The following FGD1 variants were observed in gnomAD, a reference collection of about 807,000 sequenced individuals.
FGD1 encodes the protein FYVE, RhoGEF and PH domain containing 1, also known as FYVE, RhoGEF and PH domain-containing protein 1.
Under a neutral mutation model 65.0 loss-of-function variants are expected in FGD1, and 12 were observed. The ratio of observed to expected loss-of-function variants is 0.18; its 90% CI spans 0.12 to 0.30. The LOEUF (loss-of-function observed/expected upper bound fraction) is 0.30, where lower values mean the gene tolerates loss of function less well. Ranked by LOEUF, FGD1 falls within the 10% of genes least tolerant of loss-of-function variation. The pLI, the probability that FGD1 is intolerant of heterozygous loss-of-function variation, is 1.00. For synonymous variants in FGD1, 333 were observed against 343.9 expected (o/e 0.97, Z 0.35); for missense variants, 542 against 837.6 (o/e 0.65, Z 4.36).
intron 1 of FGD1, among the ~76,000 whole-genome samples, chrX:54,475,060 T>C (rs1922987867): frequency 8.9e-6 from 1 of 112,157 alleles, no homozygotes; most frequent in Non-Finnish European, 1.9e-5. Context: ...CCACTTTCCA[T>C]GGCCCTGCCC....
chrX:54,455,932 A>T (rs747435164), intron 10 of FGD1, 148 bp from the exon 11 acceptor site: 1 of 547,962 alleles, frequency 1.8e-6, no homozygotes, highest in Non-Finnish European at 3.0e-6. Flanking sequence ...ACAAGGAAAG[A>T]GCCTAGGCAT....
chrX:54,481,779 T>C (rs56148853), intron 1 of FGD1, among the ~76,000 whole-genome samples: 14,040 of 107,175 alleles, frequency 0.13, 1,470 homozygotes, highest in African/African-American at 0.34. Context: ...GGCAAAAGTG[T>C]GGATATTGGG....
chrX:54,452,997 A>C (rs890549739), intron 12 of FGD1, among the ~76,000 whole-genome samples: 6 of 111,233 alleles, frequency 5.4e-5, no homozygotes, highest in African/African-American at 2.0e-4. Flanking sequence ...ATTTGCATTA[A>C]ATTTCTTTTT....
intron 1 of FGD1, among the ~76,000 whole-genome samples, chrX:54,481,075 T>C (rs943009628): frequency 8.9e-6 from 1 of 111,763 alleles, no homozygotes; most frequent in Non-Finnish European, 1.9e-5. Flanking sequence ...TAGATGATCC[T>C]GAAGGCTCAT....
chrX:54,473,280 A>G (rs1039654416), intron 1 of FGD1, among the ~76,000 whole-genome samples: 1 of 112,187 alleles, frequency 8.9e-6, no homozygotes, highest in East Asian at 2.8e-4. Flanking sequence ...AAAGATATAC[A>G]TTGTCATTTA....
At chrX:54,488,967 AC>A (rs1179183943) in intron 1 of FGD1, among the ~76,000 whole-genome samples, 1 of 112,262 alleles carries the variant, frequency 8.9e-6, no homozygotes, top group Non-Finnish European at 1.9e-5. Flanking sequence ...CCTAGGAAAT[AC>A]CATTTTGGAC....
At chrX:54,451,066 C>A (rs1016701865) in intron 12 of FGD1, among the ~76,000 whole-genome samples, 3 of 104,215 alleles carry the variant, frequency 2.9e-5, no homozygotes, top group Non-Finnish European at 5.7e-5. Flanking sequence ...AAAAAAAATT[C>A]TCTGTTGCTG....
chrX:54,450,779 T>G (rs1212955336), intron 12 of FGD1, among the ~76,000 whole-genome samples: 1 of 111,427 alleles, frequency 9.0e-6, no homozygotes, highest in Non-Finnish European at 1.9e-5. Context: ...CGGGTGTGGG[T>G]GGCTCACACC....
chrX:54,489,186 A>G (rs1488339738), intron 1 of FGD1, among the ~76,000 whole-genome samples: 1 of 112,704 alleles, frequency 8.9e-6, no homozygotes, highest in Non-Finnish European at 1.9e-5. Context: ...AAGGAACTTA[A>G]ATCAACAAGC....
intron 1 of FGD1, among the ~76,000 whole-genome samples, chrX:54,471,810 T>A (rs1311824683): frequency 1.8e-5 from 2 of 112,156 alleles, no homozygotes; most frequent in Non-Finnish European, 3.8e-5. Context: ...AGTTTATACA[T>A]GCGTTTGCAG....
intron 1 of FGD1, among the ~76,000 whole-genome samples, chrX:54,491,026 C>G (rs1386450658): frequency 9.0e-6 from 1 of 111,147 alleles, no homozygotes; most frequent in Non-Finnish European, 1.9e-5. Context: ...AACACCCCGT[C>G]TGAGCATGTC....
chrX:54,448,939 C>T lies in FGD1; in HGVS notation c.2303G>A (p.Arg768Gln), dbSNP rs754931200. ...HVVCGKCSEF[R>Q]ARLVYDNNRS... is the part of the protein sequence containing the mutation. ...GTTGTTGTCATAGACGAGGCGGGCCCGGAACTCGGAGCACTTCCCACAAAC... is the reference window on the plus strand; with the variant it reads ...GTTGTTGTCATAGACGAGGCGGGCCTGGAACTCGGAGCACTTCCCACAAAC... The change falls in exon 16 of 18, where the codon CGG becomes CAG. Residue 768 changes from arginine (R) to glutamine (Q), a missense_variant. By Grantham distance (43) the Arg-to-Gln change is conservative. Transcript: ENST00000375135. The T allele has an allele frequency of 1.7e-6, 2 of 1,208,710 alleles. No individual in the cohort carries two copies.
intron 8 of FGD1, among the ~76,000 whole-genome samples, chrX:54,457,595 G>T (rs1011410969): frequency 2.7e-5 from 3 of 111,142 alleles, no homozygotes; most frequent in African/African-American, 9.8e-5. Context: ...TTAATAATCT[G>T]GGAAATGCTC....
chrX:54,493,001 C>A (rs1923449274), intron 1 of FGD1, among the ~76,000 whole-genome samples: 1 of 109,992 alleles, frequency 9.1e-6, no homozygotes, highest in African/African-American at 3.3e-5. Context: ...CTCTGTGTTG[C>A]CTTTTTGGGG....
rs1407714522 is a variant in FGD1 at position 54,446,181 on chromosome X, C to T, written c.2814G>A (p.Glu938=). The T allele has an allele frequency of 1.7e-6, 2 of 1,209,823 alleles. No homozygotes were observed. Among genetic ancestry groups the T allele is most frequent in the African/African-American group, 1.7e-5 (1 of 57,259 alleles). Residue 938 remains glutamate (E), a synonymous_variant, in exon 18 of 18, where the codon GAG becomes GAA. Coordinates refer to ENST00000375135, the MANE Select transcript of FGD1 (RefSeq NM_004463.3). ...CTCCTAAAGCAGCCACCGGTGCCTC[C>T]TCCATCTCCCTGTCCTCAGACAGTG... ...GPTLSEDREM[E]EAPVAALGAT... is the part of the protein sequence containing the mutation.
chrX:54,475,510 G>A (rs1402063000), intron 1 of FGD1, among the ~76,000 whole-genome samples: 3 of 86,375 alleles, frequency 3.5e-5, no homozygotes, highest in African/African-American at 2.4e-4. Flanking sequence ...GTCCAGTTTA[G>A]GAGCCTAGGC....
chrX:54,465,521 G>T lies in FGD1; in HGVS notation c.1566C>A (p.Arg522=). The change falls in exon 8 of 18, where the codon CGC becomes CGA. Residue 522 remains arginine, a synonymous_variant. Coordinates refer to ENST00000375135, the MANE Select transcript of FGD1 (RefSeq NM_004463.3). ...HMLEPVQRIP[R]YELLLKDYLL... is the part of the protein sequence containing the mutation. ...GATAGTCCTTGAGAAGAAGCTCATA[G>T]CGGGGGATGCGCTGCACAGGCTCCA... is the stretch of plus-strand genomic sequence containing the variant. 1 of 1,209,788 alleles carries T rather than the reference G, an allele frequency of 8.3e-7. No homozygotes were observed. The highest frequency in any genetic ancestry group is 1.1e-6 in the Non-Finnish European group (1 of 894,590).
intron 1 of FGD1, among the ~76,000 whole-genome samples, chrX:54,489,106 A>G (rs752957006): frequency 8.9e-6 from 1 of 112,570 alleles, no homozygotes; most frequent in Admixed American, 9.4e-5. Flanking sequence ...AACAGAGTAA[A>G]CAACCTACAG....
Position 54,456,214 on chromosome X carries a change from A to C in FGD1, c.1842+6T>G. 8.3e-7 allele frequency: 1 copy of C among 1,210,556 alleles called. No homozygotes were observed. The highest frequency in any genetic ancestry group is 3.0e-5 in the East Asian group (1 of 33,791). On this transcript the variant is annotated splice_donor_region_variant and intron_variant, in intron 10 of 17. Transcript: ENST00000375135. ...ACCCACCCACAATTCCATGCCTGGC[A>C]CTTACTAGTATGAGGTATCGGTCTT...
Sources: allele counts gnomAD v4.1 joint callset (sites outside exome capture counted in the v4.1 genomes callset), GRCh38; gene constraint gnomAD v4.1.1; transcripts MANE v1.5; gene names NCBI Gene and HGNC (gene_info 2026-07-23, HGNC 2026-07-21).